TRAPPC9: variants seen among roughly 807,000 people sequenced by gnomAD.
TRAPPC9 encodes the protein IKK2 binding protein.
A neutral mutation model predicts 124.0 loss-of-function variants in TRAPPC9; 83 were observed. The ratio of observed to expected loss-of-function variants is 0.67; its 90% CI spans 0.56 to 0.80. TRAPPC9 has a LOEUF of 0.80. Ranked by LOEUF, TRAPPC9 falls within the 30% of genes least tolerant of loss-of-function variation. The probability of loss-of-function intolerance (pLI) is 0.00; values close to 1 mark genes in which losing one functional copy is unlikely to be tolerated. For synonymous variants in TRAPPC9, 638 were observed against 617.5 expected, an observed-to-expected ratio of 1.03 and a Z score of -0.49; for missense variants, 1,302 against 1,508.3, an observed-to-expected ratio of 0.86 and a Z score of 2.27.
intron 20 of TRAPPC9, among the ~76,000 whole-genome samples, chr8:139,889,537 G>A (rs1830207197): frequency 6.6e-6 from 1 of 152,206 alleles, no homozygotes; most frequent in Admixed American, 6.5e-5. Context: ...TTCAGTTTGG[G>A]AAGGTGAAAA....
At chr8:139,934,534 T>C (rs1204877769) in intron 19 of TRAPPC9, among the ~76,000 whole-genome samples, 2 of 152,188 alleles carry the variant, frequency 1.3e-5, no homozygotes, top group African/African-American at 2.4e-5. Context: ...GTACTCATAG[T>C]GTAGAGAGAG....
chr8:139,759,476 G>A (rs935130051), intron 21 of TRAPPC9, among the ~76,000 whole-genome samples: 2 of 152,208 alleles, frequency 1.3e-5, no homozygotes, highest in African/African-American at 2.4e-5. Context: ...GCTGTGCCAC[G>A]TGGGCGGTGC....
intron 14 of TRAPPC9, among the ~76,000 whole-genome samples, chr8:140,281,455 T>C (rs1269686201): frequency 2.0e-5 from 3 of 152,212 alleles, no homozygotes; most frequent in Non-Finnish European, 4.4e-5. Context: ...TTAAATTAGG[T>C]TGTTTGCCTT....
In TRAPPC9 at chr8:140,231,353, G is replaced by T. The variant is rs940675586; in HGVS notation, c.2432-9770C>A. Among the ~76,000 whole-genome samples the T allele has an allele frequency of 5.9e-5, 9 of 152,136 alleles. No homozygotes were observed. In the South Asian group the frequency reaches 1.9e-3, roughly 32 times the overall value. On this transcript the variant is annotated intron_variant, in intron 16 of 22. Coordinates refer to ENST00000438773, the MANE Select transcript of TRAPPC9 (RefSeq NM_001160372.4). ...TAAGGACATGAATGAATGACTTTGT[G>T]AATTAATGACTTCATGAATGAATAA... is the stretch of plus-strand genomic sequence containing the variant.
At chr8:139,919,923 G>A (rs1017971152) in intron 19 of TRAPPC9, among the ~76,000 whole-genome samples, 1 of 152,186 alleles carries the variant, frequency 6.6e-6, no homozygotes, top group Non-Finnish European at 1.5e-5. Flanking sequence ...GGACCCTTCC[G>A]CCTAGTGCTG....
intron 17 of TRAPPC9, among the ~76,000 whole-genome samples, chr8:140,030,612 AC>A (rs1224230731): frequency 1.3e-5 from 2 of 152,232 alleles, no homozygotes; most frequent in Admixed American, 6.5e-5. Context: ...TCCATGTCCA[AC>A]AAGAGGTAGG....
chr8:140,276,674 T>C (rs922111216), intron 14 of TRAPPC9, among the ~76,000 whole-genome samples: 1 of 152,098 alleles, frequency 6.6e-6, no homozygotes, highest in Non-Finnish European at 1.5e-5. Context: ...AGAGAAAATA[T>C]ATCTGGTAGC....
chr8:139,827,944 C>T (rs963411997), intron 21 of TRAPPC9, among the ~76,000 whole-genome samples: 4 of 152,172 alleles, frequency 2.6e-5, no homozygotes, highest in African/African-American at 4.8e-5. Context: ...GGGAGAGGTG[C>T]CACGCTCTTT....
At chr8:139,738,669 G>A (rs975033148) in intron 21 of TRAPPC9, among the ~76,000 whole-genome samples, 2 of 152,210 alleles carry the variant, frequency 1.3e-5, no homozygotes, top group African/African-American at 4.8e-5. Context: ...GTTATGTGCT[G>A]TTTAAGCCAC....
intron 14 of TRAPPC9, among the ~76,000 whole-genome samples, chr8:140,276,992 C>T (rs891938191): frequency 6.6e-6 from 1 of 152,174 alleles, no homozygotes; most frequent in African/African-American, 2.4e-5. Context: ...TGGACCACCC[C>T]ACTCCAGACA....
chr8:140,290,451 T>C (rs2065618815), intron 12 of TRAPPC9, among the ~76,000 whole-genome samples: 1 of 152,142 alleles, frequency 6.6e-6, no homozygotes, highest in Non-Finnish European at 1.5e-5. Context: ...GACTAGAGAA[T>C]TGGGTAAGCA....
intron 17 of TRAPPC9, among the ~76,000 whole-genome samples, chr8:140,211,343 G>T (rs1199745653): frequency 1.3e-5 from 2 of 152,178 alleles, no homozygotes; most frequent in Non-Finnish European, 2.9e-5. Context: ...TGAATTACTT[G>T]AGCCCAGGTG....
intron 20 of TRAPPC9, among the ~76,000 whole-genome samples, chr8:139,902,853 G>A (rs544092886): frequency 5.9e-5 from 9 of 152,274 alleles, no homozygotes; most frequent in Admixed American, 2.0e-4. Context: ...TGGAAAGAAG[G>A]CAGTCTTGAA....
intron 20 of TRAPPC9, among the ~76,000 whole-genome samples, chr8:139,903,597 G>T (rs1831156251): frequency 6.6e-6 from 1 of 152,230 alleles, no homozygotes; most frequent in African/African-American, 2.4e-5. Flanking sequence ...TCTGTGCAGG[G>T]CTGCTCTGGA....
chr8:140,222,193 T>C (rs1448605903), intron 16 of TRAPPC9, among the ~76,000 whole-genome samples: 6 of 152,154 alleles, frequency 3.9e-5, no homozygotes. Context: ...CTCTTGCCGC[T>C]TGACCTTAGT....
In TRAPPC9 at chr8:140,371,120, C is replaced by G. The variant is rs745923011; in HGVS notation, c.1195G>C (p.Gly399Arg). Residue 399 changes from glycine to arginine, a missense_variant, in exon 8 of 23, where the codon GGC becomes CGC. This residue lies in a region of TRAPPC9 where 657 missense variants were observed against 811.2 expected (regional missense o/e 0.81). Transcript: ENST00000438773. The part of the protein sequence containing the change: ...SILSELYELI[G>R]FHRKSAFFKR... ...AAGAACGCAGACTTGCGATGGAAGC[C>G]GATCAGCTCATAGAGCTCGGAGAGG... The G allele has an allele frequency of 5.6e-6, 9 of 1,614,028 alleles. No individual in the cohort carries two copies. The highest frequency in any genetic ancestry group is 1.1e-5 in the South Asian group (1 of 91,090).
chr8:140,430,084 T>C (rs913004905), intron 4 of TRAPPC9, among the ~76,000 whole-genome samples: 1 of 151,286 alleles, frequency 6.6e-6, no homozygotes, highest in East Asian at 1.9e-4. Flanking sequence ...GACGCAGAGG[T>C]TGCAGTGAGC....
rs145669204 is a variant in TRAPPC9 at position 139,731,088 on chromosome 8, G to A, written c.3420C>T (p.His1140=). ...PPSWFCLPSV[H]VCALEAQA Reference sequence around the variant, plus strand: ...AGGCCTGCGCCTCCAGGGCACACACGTGCACACTGGGCAGGCAGAACCAAG... The same window carrying A: ...AGGCCTGCGCCTCCAGGGCACACACATGCACACTGGGCAGGCAGAACCAAG... Residue 1140 remains histidine, a synonymous_variant, in exon 23 of 23, where the codon CAC becomes CAT. Transcript: ENST00000438773. The A allele has an allele frequency of 5.1e-5, 82 of 1,613,478 alleles. No individual in the cohort carries two copies. In the African/African-American group the frequency reaches 7.6e-4, roughly 15 times the overall value.
intron 17 of TRAPPC9, among the ~76,000 whole-genome samples, chr8:140,220,295 C>G (rs1404918333): frequency 6.6e-6 from 1 of 152,194 alleles, no homozygotes; most frequent in African/African-American, 2.4e-5. Context: ...GCCCACCAGA[C>G]AGCACCCTCC....
Sources: gnomAD v4.1 joint callset for allele counts (sites outside exome capture counted in the v4.1 genomes callset) on GRCh38, gnomAD v4.1.1 for gene constraint, gnomAD v4.1.1 regional missense constraint, MANE v1.5 for transcripts, NCBI Gene and HGNC (gene_info 2026-07-23, HGNC 2026-07-21) for gene names.